The following SLC22A23 variants were observed in gnomAD, a reference collection of about 807,000 sequenced individuals.
The protein encoded by SLC22A23 is solute carrier family 22 member 23, also known as ion transporter protein.
SLC22A23 carries 26 observed loss-of-function variants against 61.0 expected under a neutral mutation model. That is an observed-to-expected ratio of 0.43 (90% CI 0.31 to 0.59). The LOEUF (loss-of-function observed/expected upper bound fraction) is 0.59, where lower values mean the gene tolerates loss of function less well. Ranked by LOEUF, SLC22A23 falls within the 20% of genes least tolerant of loss-of-function variation. The probability of loss-of-function intolerance (pLI) is 0.11; values close to 1 mark genes in which losing one functional copy is unlikely to be tolerated. For missense variants in SLC22A23, 796 were observed against 934.7 expected (o/e 0.85, Z 1.94); for synonymous variants, 430 against 413.9 (o/e 1.04, Z -0.47).
intron 1 of SLC22A23, among the ~76,000 whole-genome samples, chr6:3,422,390 C>T (rs913936185): frequency 6.6e-6 from 1 of 152,182 alleles, no homozygotes; most frequent in African/African-American, 2.4e-5. Flanking sequence ...ACACCCTCCA[C>T]AAGCCAGGCT....
At chr6:3,302,661 TA>T (rs1761696407) in intron 4 of SLC22A23, among the ~76,000 whole-genome samples, 2 of 152,242 alleles carry the variant, frequency 1.3e-5, no homozygotes, top group Non-Finnish European at 2.9e-5. Context: ...AGAAATTTTT[TA>T]GTTTCCTTCT....
intron 3 of SLC22A23, among the ~76,000 whole-genome samples, chr6:3,338,355 A>C (rs1456721365): frequency 1.3e-5 from 2 of 152,172 alleles, no homozygotes; most frequent in African/African-American, 4.8e-5. Context: ...TTTGAGACGG[A>C]GTCTCACTCT....
chr6:3,425,964 C>A (rs1561973568), intron 1 of SLC22A23, among the ~76,000 whole-genome samples: 1 of 152,138 alleles, frequency 6.6e-6, no homozygotes, highest in Admixed American at 6.5e-5. Flanking sequence ...TTTGTCTGGA[C>A]AAATATTCAA....
chr6:3,446,117 C>G, intron 1 of SLC22A23, among the ~76,000 whole-genome samples: 1 of 152,188 alleles, frequency 6.6e-6, no homozygotes, highest in East Asian at 1.9e-4. Flanking sequence ...AAACATACAG[C>G]AACCACCATT....
At chr6:3,340,819 T>C (rs1764111926) in intron 3 of SLC22A23, among the ~76,000 whole-genome samples, 1 of 152,182 alleles carries the variant, frequency 6.6e-6, no homozygotes, top group Non-Finnish European at 1.5e-5. Flanking sequence ...CTGGAAAGGA[T>C]ACATTTACCA....
At chr6:3,311,932 G>A (rs539045994) in intron 4 of SLC22A23, 1 of 152,268 alleles carries the variant, frequency 6.6e-6, no homozygotes, top group Admixed American at 6.5e-5. Flanking sequence ...CTGTAGACCG[G>A]GTTGTGGAAC....
At position 3,282,003 on chromosome 6, in the gene SLC22A23, C is replaced by T. The variant is rs144670997; in HGVS notation, c.1703+1849G>A. ...AGGAAAAGCTTACAGCATTTCCTTCCGTCTAGCTTGCTAAGCCAAATCTAA... is the reference window on the plus strand; with the variant it reads ...AGGAAAAGCTTACAGCATTTCCTTCTGTCTAGCTTGCTAAGCCAAATCTAA... On this transcript the variant is annotated intron_variant, in intron 9 of 9. Transcript: ENST00000406686. Among the ~76,000 whole-genome samples the T allele has an allele frequency of 7.2e-3, 1,101 of 152,270 alleles. 9 individuals are homozygous for T. Among genetic ancestry groups the T allele is most frequent in the African/African-American group, 0.026 (1,066 of 41,546 alleles).
intron 3 of SLC22A23, among the ~76,000 whole-genome samples, chr6:3,403,593 G>A (rs899692700): frequency 2.0e-5 from 3 of 152,098 alleles, no homozygotes; most frequent in Non-Finnish European, 2.9e-5. Context: ...GCCACACAGC[G>A]AGGAAGGATG....
chr6:3,450,410 G>A (rs986439143), intron 1 of SLC22A23, among the ~76,000 whole-genome samples: 2 of 152,136 alleles, frequency 1.3e-5, no homozygotes, highest in Non-Finnish European at 2.9e-5. Context: ...AGGTTCAAGC[G>A]ATTCTCCTAC....
intron 5 of SLC22A23, among the ~76,000 whole-genome samples, chr6:3,295,539 G>A (rs1188222715): frequency 2.6e-5 from 4 of 152,192 alleles, no homozygotes; most frequent in Non-Finnish European, 4.4e-5. Context: ...GTGGCAGGGA[G>A]GATGGAACAA....
chr6:3,353,918 C>G (rs868340899), intron 3 of SLC22A23, among the ~76,000 whole-genome samples: 26 of 152,170 alleles, frequency 1.7e-4, no homozygotes, highest in African/African-American at 5.1e-4. Context: ...CTTACAGATC[C>G]CAGACTACCA....
At chr6:3,405,957 A>G (rs749430178) in intron 3 of SLC22A23, among the ~76,000 whole-genome samples, 2 of 152,182 alleles carry the variant, frequency 1.3e-5, no homozygotes, top group Non-Finnish European at 2.9e-5. Context: ...CATTTATCCA[A>G]TCATTTAGGC....
rs75889527 is a variant in SLC22A23 at position 3,439,875 on chromosome 6, G to C, written c.654+16031C>G. ...GGACTCTGGGCTGAAAGAAGAGCAT[G>C]GGGGAACACAGCATTGTTTGGGAAA... is the stretch of plus-strand genomic sequence containing the variant. On this transcript the variant is annotated intron_variant, in intron 1 of 9. Coordinates refer to ENST00000406686, the MANE Select transcript of SLC22A23 (RefSeq NM_015482.2). Among the ~76,000 whole-genome samples, 372 of 152,272 alleles carry C rather than the reference G, an allele frequency of 2.4e-3. 5 individuals are homozygous for C. Among genetic ancestry groups the C allele is most frequent in the African/African-American group, 7.5e-3 (312 of 41,554 alleles).
At chr6:3,298,937 A>C (rs1405308524) in intron 4 of SLC22A23, among the ~76,000 whole-genome samples, 1 of 147,626 alleles carries the variant, frequency 6.8e-6, no homozygotes, top group African/African-American at 2.6e-5. Context: ...GCGCCACTGC[A>C]GTCCGCAGTC....
intron 3 of SLC22A23, among the ~76,000 whole-genome samples, chr6:3,339,076 G>A (rs1378339772): frequency 2.6e-5 from 4 of 152,212 alleles, no homozygotes; most frequent in African/African-American, 9.6e-5. Flanking sequence ...GGGTCGAGGG[G>A]AGGGAGGAGC....
Position 3,277,958 on chromosome 6 carries a change from A to G in SLC22A23, c.1704-4546T>C, listed in dbSNP as rs112681186. The stretch of plus-strand genomic sequence containing the variant: ...CTTGTGACTGTGGTCCCTATGGCCA[A>G]CGGCCAGCAAGGAGCTGAGGCTGCC... On this transcript the variant is annotated intron_variant, in intron 9 of 9. Transcript: ENST00000406686. 2.2e-3 allele frequency among the ~76,000 whole-genome samples: 331 copies of G among 152,350 alleles called. 3 individuals carry two copies. The highest frequency in any genetic ancestry group is 7.4e-3 in the African/African-American group (308 of 41,590).
Position 3,456,604 on chromosome 6 carries a change from A to AGGCTCCGCGGGCGCCCCGGG in SLC22A23, c.-65_-46dup. On this transcript the variant is annotated 5_prime_UTR_variant, in exon 1 of 10. Transcript: ENST00000406686. The surrounding 1 kb of genome is among the most constrained non-coding windows in gnomAD (Gnocchi z 7.1). ...CGCAGAGGCGCATAGAGCGCGGCGG[A>AGGCTCCGCGGGCGCCCCGGG]GGCTCCGCGGGCGCCCCGGGCACAG... 1.0e-6 allele frequency: 1 copy of AGGCTCCGCGGGCGCCCCGGG among 977,150 alleles called. No individual in the cohort carries two copies. The highest frequency in any genetic ancestry group is 1.8e-5 in the African/African-American group (1 of 56,400). 60.5% of individuals were successfully genotyped at this position (977,150 alleles called of 1,614,324 possible).
At chr6:3,434,541 G>A (rs1771078958) in intron 1 of SLC22A23, among the ~76,000 whole-genome samples, 1 of 151,954 alleles carries the variant, frequency 6.6e-6, no homozygotes, top group African/African-American at 2.4e-5. Context: ...TCTGGGAGGT[G>A]GAGGTTGCAG....
rs1365284921 is a variant in SLC22A23, at chr6:3,447,589, T to TC, written c.654+8316_654+8317insG. Among the ~76,000 whole-genome samples the TC allele has an allele frequency of 2.7e-5, 4 of 146,818 alleles. No homozygotes were observed. In the East Asian group the frequency reaches 5.9e-4, roughly 22 times the overall value. On this transcript the variant is annotated intron_variant, in intron 1 of 9. Transcript: ENST00000406686. The stretch of plus-strand genomic sequence containing the variant: ...GAGAGAGGAAAGAAACTTTCTTTTT[T>TC]TTTTTTTTTTTTTGTCTGAGACAGA...
Sources: gnomAD v4.1 joint callset for allele counts (sites outside exome capture counted in the v4.1 genomes callset) on GRCh38, gnomAD v4.1.1 for gene constraint, Gnocchi (gnomAD v3.1) non-coding constraint, MANE v1.5 for transcripts, NCBI Gene and HGNC (gene_info 2026-07-23, HGNC 2026-07-21) for gene names.